The following RAI14 variants were observed in gnomAD, a reference collection of about 807,000 sequenced individuals.
RAI14 encodes retinoic acid induced 14, also known as ankycorbin.
RAI14 carries 45 observed loss-of-function variants against 115.4 expected under a neutral mutation model. That is an observed-to-expected ratio of 0.39 (90% confidence interval 0.31 to 0.50). RAI14 has a LOEUF of 0.50. Ranked by LOEUF, RAI14 falls within the 20% of genes least tolerant of loss-of-function variation. The pLI, the probability that RAI14 is intolerant of heterozygous loss-of-function variation, is 0.85. For missense variants in RAI14, 939 were observed against 1,131.2 expected, an observed-to-expected ratio of 0.83 and a Z score of 2.44; for synonymous variants, 371 against 415.4, an observed-to-expected ratio of 0.89 and a Z score of 1.30.
intron 3 of RAI14, among the ~76,000 whole-genome samples, chr5:34,771,232 ACT>A (rs1181321171): frequency 4.6e-5 from 7 of 152,044 alleles, no homozygotes; most frequent in Non-Finnish European, 1.0e-4. Context: ...ACGTCCTAAC[ACT>A]CTGGTATTCT....
intron 2 of RAI14, among the ~76,000 whole-genome samples, chr5:34,756,521 G>A (rs1382722539): frequency 3.3e-5 from 5 of 152,090 alleles, no homozygotes; most frequent in Non-Finnish European, 7.4e-5. Context: ...AAGGCAGCCC[G>A]GGCTTGCAAA....
intron 3 of RAI14, among the ~76,000 whole-genome samples, chr5:34,783,610 C>T (rs966669032): frequency 6.6e-6 from 1 of 152,148 alleles, no homozygotes; most frequent in Non-Finnish European, 1.5e-5. Context: ...GGCCTTTAGG[C>T]AGGCTCAAAA....
At chr5:34,770,032 G>A (rs1242001324) in intron 3 of RAI14, among the ~76,000 whole-genome samples, 3 of 152,094 alleles carry the variant, frequency 2.0e-5, no homozygotes, top group Admixed American at 2.0e-4. Context: ...CTCAGCTCCA[G>A]TTTATACTTC....
At position 34,688,399 on chromosome 5, in the gene RAI14, T is replaced by C. The variant is rs908645714; in HGVS notation, c.36+1444T>C. On this transcript the variant is annotated intron_variant, in intron 2 of 17. Coordinates refer to ENST00000265109, the MANE Select transcript of RAI14 (RefSeq NM_015577.3). Reference sequence around the variant, plus strand: ...TATTTTTAGCAAAATTTCATCAGTCTAGACTTCCATATATATATGAACAGG... The same window carrying C: ...TATTTTTAGCAAAATTTCATCAGTCCAGACTTCCATATATATATGAACAGG... The C allele has an allele frequency of 8.6e-6, 6 of 700,542 alleles. No individual in the cohort carries two copies. The South Asian group carries it at 1.3e-4, about 15-fold the overall frequency. The allele number at this position is 700,542 out of a possible 1,614,324, so 43.4% of individuals were successfully genotyped here. A position where few individuals can be genotyped will look rare whatever the true frequency, so the allele number is the denominator to read the frequency against.
chr5:34,822,910 A>G (rs778143156), intron 14 of RAI14, 46 bp from the exon 15 acceptor site: 17 of 1,481,940 alleles, frequency 1.1e-5, no homozygotes, highest in South Asian at 2.5e-5. Flanking sequence ...GATGGTCTCA[A>G]TCTCCTGACC....
intron 1 of RAI14, among the ~76,000 whole-genome samples, chr5:34,658,429 G>A (rs1479432481): frequency 6.6e-6 from 1 of 151,946 alleles, no homozygotes; most frequent in Non-Finnish European, 1.5e-5. Flanking sequence ...AGAATGCAGT[G>A]GACAACTTTT....
At chr5:34,717,989 A>G (rs1238418459) in intron 2 of RAI14, among the ~76,000 whole-genome samples, 1 of 149,732 alleles carries the variant, frequency 6.7e-6, no homozygotes, top group Non-Finnish European at 1.5e-5. Flanking sequence ...AGGACATCCT[A>G]AAGGACAGAG....
In RAI14 at chr5:34,710,336, ATCT is replaced by A. The variant is rs1456602924; in HGVS notation, c.36+23385_36+23387del. ...TCTAGTCCTCTGTCCTTACATGGTC[ATCT>A]TCTCCCTCTGTATGTATCCGTCTTG... On this transcript the variant is annotated intron_variant, in intron 2 of 17. Transcript: ENST00000265109. Among the ~76,000 whole-genome samples the A allele has an allele frequency of 2.0e-5, 3 of 152,040 alleles. No homozygotes were observed. The East Asian group carries it at 5.8e-4, about 29-fold the overall frequency.
chr5:34,824,574 T>C lies in RAI14; in HGVS notation c.2649+83T>C, dbSNP rs150219827. 724 of 1,152,344 alleles carry C rather than the reference T, an allele frequency of 6.3e-4. 12 individuals are homozygous for C. The Admixed American group carries it at 0.018, about 29-fold the overall frequency. 71.4% of individuals were successfully genotyped at this position (1,152,344 alleles called of 1,614,324 possible). ...TTTACTATATTAAATATTTCTAGTG[T>C]TGGCACTAAACTGGAGTGAATGCTC... On this transcript the variant is annotated intron_variant, in intron 15 of 17. Coordinates refer to ENST00000265109, the MANE Select transcript of RAI14 (RefSeq NM_015577.3).
intron 13 of RAI14, among the ~76,000 whole-genome samples, chr5:34,819,097 C>A (rs1357250129): frequency 6.6e-6 from 1 of 152,132 alleles, no homozygotes; most frequent in Non-Finnish European, 1.5e-5. Context: ...TTGTCCCAAA[C>A]TACATGTTAG....
chr5:34,668,859 G>A (rs534875267), intron 1 of RAI14, among the ~76,000 whole-genome samples: 68 of 151,756 alleles, frequency 4.5e-4, no homozygotes, highest in Non-Finnish European at 8.8e-4. Flanking sequence ...AGGTAATTAG[G>A]TTCTTTTTTT....
chr5:34,742,076 C>T (rs140773016), intron 2 of RAI14, among the ~76,000 whole-genome samples: 96 of 152,232 alleles, frequency 6.3e-4, no homozygotes, highest in Non-Finnish European at 1.1e-3. Context: ...GCCAGGGAAA[C>T]GAGAGACGTG....
At chr5:34,761,820 G>T (rs914095331) in intron 3 of RAI14, among the ~76,000 whole-genome samples, 9 of 151,832 alleles carry the variant, frequency 5.9e-5, no homozygotes, top group African/African-American at 2.2e-4. Flanking sequence ...TTAGAGATGG[G>T]TCTTGCCATA....
At chr5:34,818,720 G>A in intron 12 of RAI14, 77 bp from the exon 13 acceptor site, 1 of 1,254,852 alleles carries the variant, frequency 8.0e-7, no homozygotes, top group Non-Finnish European at 1.2e-6. Flanking sequence ...GTAAGCTCAA[G>A]GAGGAAAGTC....
intron 2 of RAI14, among the ~76,000 whole-genome samples, chr5:34,702,959 G>A (rs1203831762): frequency 1.3e-5 from 2 of 152,266 alleles, no homozygotes; most frequent in East Asian, 3.9e-4. Flanking sequence ...GCCTGCCTCG[G>A]CCTCCCAAAG....
intron 2 of RAI14, among the ~76,000 whole-genome samples, chr5:34,710,227 G>T (rs10461944): frequency 0.22 from 33,744 of 152,124 alleles, 4,225 homozygotes; most frequent in Middle Eastern, 0.33. Flanking sequence ...TGAAGTCTCT[G>T]TAAGGAAGAG....
In RAI14 at chr5:34,791,809, G is replaced by A. The variant is rs1341137865; in HGVS notation, c.168-4130G>A. 2.6e-5 allele frequency among the ~76,000 whole-genome samples: 4 copies of A among 152,226 alleles called. No homozygotes were observed. The highest frequency in any genetic ancestry group is 4.1e-4 in the South Asian group (2 of 4,834). On this transcript the variant is annotated intron_variant, in intron 3 of 17. Coordinates refer to ENST00000265109, the MANE Select transcript of RAI14 (RefSeq NM_015577.3). The surrounding 1 kb of genome is among the most constrained non-coding windows in gnomAD (Gnocchi z 5.4). ...GCAAGGAGGGAAAGCTGCAGCTGTG[G>A]CTGTGGGAGAGCCGGCCTGCAAAGC...
chr5:34,736,052 A>G (rs6885912), intron 2 of RAI14, among the ~76,000 whole-genome samples: 1 of 152,212 alleles, frequency 6.6e-6, no homozygotes, highest in Non-Finnish European at 1.5e-5. Context: ...AGGTCTCGAT[A>G]GGTGGTTTTC....
At chr5:34,769,464 T>C (rs2150127377) in intron 3 of RAI14, among the ~76,000 whole-genome samples, 1 of 152,318 alleles carries the variant, frequency 6.6e-6, no homozygotes, top group South Asian at 2.1e-4. Flanking sequence ...TTTAATCCTA[T>C]TGTTAGGATT....
Sources: allele counts gnomAD v4.1 joint callset (sites outside exome capture counted in the v4.1 genomes callset), GRCh38; gene constraint gnomAD v4.1.1; non-coding constraint Gnocchi (gnomAD v3.1); transcripts MANE v1.5; gene names NCBI Gene and HGNC (gene_info 2026-07-23, HGNC 2026-07-21).